CCT4: variants seen among roughly 807,000 people sequenced by gnomAD.
The protein encoded by CCT4 is chaperonin containing TCP1 subunit 4, also known as T-complex protein 1 subunit delta.
In CCT4, 17 loss-of-function variants were observed where a neutral mutation model predicts 62.5. The ratio of observed to expected loss-of-function variants is 0.27; its 90% CI spans 0.19 to 0.41. The LOEUF is 0.41. Among genes scored for constraint, CCT4 ranks in the 10% least tolerant of loss-of-function variants. The probability of loss-of-function intolerance (pLI) is 1.00; values close to 1 mark genes in which losing one functional copy is unlikely to be tolerated. For missense variants in CCT4, 592 were observed against 659.2 expected (o/e 0.90, Z 1.12); for synonymous variants, 250 against 229.9 (o/e 1.09, Z -0.79).
rs539300120 is a variant in CCT4, at chr2:61,871,957, C to T, written c.1491+125G>A. ...ATGGCATAGATTAATTAACATGCAG[C>T]AGGCCTCATATTTAAATCCAAGATT... On this transcript the variant is annotated intron_variant, in intron 12 of 13. Coordinates refer to ENST00000394440, the MANE Select transcript of CCT4 (RefSeq NM_006430.4). The T allele has an allele frequency of 5.8e-5, 37 of 642,018 alleles. No homozygotes were observed. The African/African-American group carries it at 6.6e-4, about 11-fold the overall frequency. 39.8% of individuals were successfully genotyped at this position (642,018 alleles called of 1,614,324 possible). A position where few individuals can be genotyped will look rare whatever the true frequency, so the allele number is the denominator to read the frequency against.
At chr2:61,872,949 A>G in intron 10 of CCT4, 53 bp downstream of exon 10, 1 of 1,060,272 alleles carries the variant, frequency 9.4e-7, no homozygotes, top group Non-Finnish European at 1.5e-6. Context: ...AAAACAACCT[A>G]AAACCCCATA....
intron 3 of CCT4, among the ~76,000 whole-genome samples, chr2:61,881,293 T>C (rs183278081): frequency 6.6e-6 from 1 of 152,264 alleles, no homozygotes; most frequent in Non-Finnish European, 1.5e-5. Flanking sequence ...ATATTATATA[T>C]AGAGACTTTT....
At chr2:61,877,812 G>A (rs7572004) in intron 5 of CCT4, among the ~76,000 whole-genome samples, 149,064 of 152,316 alleles carry the variant, frequency 0.98, 72,951 homozygotes, top group East Asian at 1. Flanking sequence ...TTTTACGTGA[G>A]TATTTTCTAT....
chr2:61,870,414 C>T (rs529598911), intron 12 of CCT4, among the ~76,000 whole-genome samples: 1 of 152,344 alleles, frequency 6.6e-6, no homozygotes, highest in Admixed American at 6.5e-5. Flanking sequence ...CATCCTACTT[C>T]CCTTTATCCC....
chr2:61,868,932 C>T (rs1178928854), intron 13 of CCT4: 12 of 461,280 alleles, frequency 2.6e-5, no homozygotes, highest in South Asian at 1.3e-4. Context: ...GTAAGAAGTT[C>T]GAGACCAGCC....
At chr2:61,885,748 G>C (rs1669235524) in intron 1 of CCT4, 1 of 117,060 alleles carries the variant, frequency 8.5e-6, no homozygotes, top group South Asian at 2.6e-4. Flanking sequence ...AATACATTTT[G>C]AGGATTCATC....
intron 7 of CCT4, 33 bp from the exon 8 acceptor site, chr2:61,876,267 G>GT (rs779855487): frequency 6.6e-7 from 1 of 1,514,892 alleles, no homozygotes; most frequent in Non-Finnish European, 8.9e-7. Flanking sequence ...AATTTGCATT[G>GT]TAAGATATTT....
rs1437292752 is a variant in CCT4, at chr2:61,883,805, C to G, written c.181-257G>C. Among the ~76,000 whole-genome samples the G allele has an allele frequency of 2.7e-5, 4 of 147,194 alleles. No individual in the cohort carries two copies. The East Asian group carries it at 7.7e-4, about 28-fold the overall frequency. ...ACACACACACACACACACACACACA[C>G]ACACACACACAAAAGGAAAAATATT... On this transcript the variant is annotated intron_variant, in intron 2 of 13. Transcript: ENST00000394440.
intron 12 of CCT4, among the ~76,000 whole-genome samples, chr2:61,869,854 C>CG (rs1278079336): frequency 4.7e-5 from 7 of 149,312 alleles, no homozygotes; most frequent in South Asian, 2.2e-4. Context: ...AGGATGGTCT[C>CG]ATCTCCTGAT....
At position 61,888,435 on chromosome 2, in the gene CCT4, G is replaced by C. The variant is rs1447841181; in HGVS notation, c.73C>G (p.Gln25Glu). The C allele has an allele frequency of 6.8e-6, 11 of 1,612,576 alleles. No homozygotes were observed. The highest frequency in any genetic ancestry group is 1.7e-5 in the Admixed American group (1 of 59,894). ...ATCTGGGCTGGCTTGTCGCGGTCCT[G>C]ATAGGCGCCTTTCCCGCGGCCGCCG... is the stretch of plus-strand genomic sequence containing the variant. ...AAGGRGKGAY[Q>E]DRDKPAQIRF... is the part of the protein sequence containing the mutation. The change falls in exon 1 of 14, where the codon CAG (glutamine) becomes GAG (glutamate). Residue 25 changes from glutamine (Q) to glutamate (E), a missense_variant. This residue lies in a region of CCT4 where 67 missense variants were observed against 71.1 expected (regional missense o/e 0.94). Transcript: ENST00000394440.
Position 61,872,066 on chromosome 2 carries a change from G to A in CCT4, c.1491+16C>T, listed in dbSNP as rs745657457. Reference sequence around the variant, plus strand: ...AAATTAATCAATATTTTCTACATTAGAGATTAAATGATTACCTTTCGGACA... The same window carrying A: ...AAATTAATCAATATTTTCTACATTAAAGATTAAATGATTACCTTTCGGACA... On this transcript the variant is annotated intron_variant, in intron 12 of 13. Coordinates refer to ENST00000394440, the MANE Select transcript of CCT4 (RefSeq NM_006430.4). 1.3e-6 allele frequency: 2 copies of A among 1,496,914 alleles called. No individual in the cohort carries two copies. The highest frequency in any genetic ancestry group is 1.7e-5 in the Admixed American group (1 of 59,190). The allele number at this position is 1,496,914 out of a possible 1,614,324, so 92.7% of individuals were successfully genotyped here.
chr2:61,868,920 A>G, intron 13 of CCT4: 2 of 494,056 alleles, frequency 4.0e-6, no homozygotes, highest in Admixed American at 6.5e-5. Context: ...GTGGATCACA[A>G]GGTAAGAAGT....
In CCT4 at chr2:61,878,854, T is replaced by G. The variant is rs761422206; in HGVS notation, c.522+15A>C. ...TTTAACTAATTTGACAAGTATCCGT[T>G]AGTGTTTGTCTCACCTTTGAGTTCA... On this transcript the variant is annotated intron_variant, in intron 5 of 13. Coordinates refer to ENST00000394440, the MANE Select transcript of CCT4 (RefSeq NM_006430.4). 2 of 1,588,252 alleles carry G rather than the reference T, an allele frequency of 1.3e-6. No individual in the cohort carries two copies. The highest frequency in any genetic ancestry group is 8.6e-7 in the Non-Finnish European group (1 of 1,162,124).
rs1258828740 is a variant in CCT4 at position 61,877,475 on chromosome 2, C to T, written c.562G>A (p.Val188Ile). ...QYSSLLSPMS[V>I]NAVMKVIDPA... ...TCAATCACTTTCATCACTGCATTTA[C>T]ACTCATTGGAGAAAGCAGACTTGAA... The change falls in exon 6 of 14, where the codon GTA becomes ATA. Residue 188 changes from valine (V) to isoleucine (I), a missense_variant. Val to Ile is a conservative substitution (Grantham distance 29, BLOSUM62 3). Coordinates refer to ENST00000394440, the MANE Select transcript of CCT4 (RefSeq NM_006430.4). 1.2e-6 allele frequency: 2 copies of T among 1,607,220 alleles called. No homozygotes were observed. The highest frequency in any genetic ancestry group is 1.1e-5 in the South Asian group (1 of 90,032).
At chr2:61,877,621 G>A in intron 5 of CCT4, 107 bp from the exon 6 acceptor site, 1 of 816,882 alleles carries the variant, frequency 1.2e-6, no homozygotes. Context: ...TTGCAGTGGG[G>A]TGTGGGTATG....
chr2:61,875,625 T>C (rs1572918231), intron 8 of CCT4, among the ~76,000 whole-genome samples: 1 of 150,570 alleles, frequency 6.6e-6, no homozygotes, highest in Admixed American at 6.6e-5. Context: ...CTATTAGAAG[T>C]GTGGTTTAGA....
chr2:61,883,811 CACACAA>C (rs1380768694), intron 2 of CCT4, among the ~76,000 whole-genome samples: 15 of 143,426 alleles, frequency 1.0e-4, no homozygotes, highest in African/African-American at 3.0e-4. Context: ...CACACACACA[CACACAA>C]AAGGAAAAAT....
Position 61,885,092 on chromosome 2 carries a change from A to G in CCT4, c.128-20T>C, listed in dbSNP as rs371826952. The G allele has an allele frequency of 8.5e-6, 13 of 1,523,684 alleles. No individual in the cohort carries two copies. In the South Asian group the frequency reaches 9.0e-5, roughly 11 times the overall value. 94.4% of individuals were successfully genotyped at this position (1,523,684 alleles called of 1,614,324 possible). A position where few individuals can be genotyped will look rare whatever the true frequency, so the allele number is the denominator to read the frequency against. ...CAACCGCTGCAGATGGGGGGGAAAA[A>G]AAAGAAAACAAATTAGAACTTTTTT... On this transcript the variant is annotated intron_variant, in intron 1 of 13. Transcript: ENST00000394440.
At chr2:61,869,762 C>G (rs2105123416) in intron 12 of CCT4, among the ~76,000 whole-genome samples, 1 of 151,770 alleles carries the variant, frequency 6.6e-6, no homozygotes, top group South Asian at 2.1e-4. Context: ...TGTAGTCACC[C>G]AATCCTAACT....
Sources: allele counts gnomAD v4.1 joint callset (sites outside exome capture counted in the v4.1 genomes callset), GRCh38; gene constraint gnomAD v4.1.1; regional missense constraint gnomAD v4.1.1; transcripts MANE v1.5; gene names NCBI Gene and HGNC (gene_info 2026-07-23, HGNC 2026-07-21).